Variants in JARID2 observed in about 807,000 individuals in gnomAD.
The protein encoded by JARID2 is protein Jumonji.
In JARID2, 21 loss-of-function variants were observed where a neutral mutation model predicts 125.6. The observed-to-expected ratio is 0.17, with a 90% confidence interval of 0.12 to 0.24. The LOEUF is 0.24. Ranked by LOEUF, JARID2 falls within the 10% of genes least tolerant of loss-of-function variation. The probability of loss-of-function intolerance (pLI) is 1.00; values close to 1 mark genes in which losing one functional copy is unlikely to be tolerated. For synonymous variants in JARID2, 736 were observed against 661.6 expected, an observed-to-expected ratio of 1.11 and a Z score of -1.73; for missense variants, 1,303 against 1,639.6, an observed-to-expected ratio of 0.79 and a Z score of 3.55.
In JARID2 at chr6:15,416,557, G is replaced by A. The variant is rs1010269355; in HGVS notation, c.323+6192G>A. 5.3e-5 allele frequency among the ~76,000 whole-genome samples: 8 copies of A among 152,248 alleles called. No individual in the cohort carries two copies. In the East Asian group the frequency reaches 1.2e-3, roughly 22 times the overall value. On this transcript the variant is annotated intron_variant, in intron 3 of 17. Transcript: ENST00000341776. ...ACGAAAACCAGTCAGGCGTGGTGGC[G>A]CGCGCCTGCAATGGCAGGCACTCGG...
At chr6:15,476,817 AT>A (rs925571113) in intron 5 of JARID2, among the ~76,000 whole-genome samples, 2 of 152,202 alleles carry the variant, frequency 1.3e-5, no homozygotes, top group African/African-American at 4.8e-5. Flanking sequence ...CTTCATGGGT[AT>A]TTATATTACA....
At chr6:15,250,054 A>G (rs948885631) in intron 1 of JARID2, among the ~76,000 whole-genome samples, 4 of 152,220 alleles carry the variant, frequency 2.6e-5, no homozygotes, top group African/African-American at 7.2e-5. Flanking sequence ...AGTTTGAAAT[A>G]GAGAATCTCT....
At chr6:15,318,303 G>A (rs1762244602) in intron 1 of JARID2, among the ~76,000 whole-genome samples, 2 of 152,310 alleles carry the variant, frequency 1.3e-5, no homozygotes, top group East Asian at 3.9e-4. Context: ...TGGAGGACAC[G>A]TGGATCCAGC....
chr6:15,372,319 A>G (rs1764200139), intron 1 of JARID2, among the ~76,000 whole-genome samples: 1 of 152,152 alleles, frequency 6.6e-6, no homozygotes, highest in Non-Finnish European at 1.5e-5. Context: ...CTGAATATCC[A>G]AAATACCCCA....
intron 1 of JARID2, among the ~76,000 whole-genome samples, chr6:15,279,376 T>C (rs890066220): frequency 6.6e-6 from 1 of 152,202 alleles, no homozygotes; most frequent in African/African-American, 2.4e-5. Context: ...TAGTTTGATT[T>C]TGTTGGCGGT....
At chr6:15,333,178 C>T (rs1038061414) in intron 1 of JARID2, among the ~76,000 whole-genome samples, 4 of 152,098 alleles carry the variant, frequency 2.6e-5, no homozygotes, top group South Asian at 2.1e-4. Flanking sequence ...GTGATCCACC[C>T]GCCTCGGCCT....
At chr6:15,330,609 T>C (rs1262978940) in intron 1 of JARID2, among the ~76,000 whole-genome samples, 2 of 152,256 alleles carry the variant, frequency 1.3e-5, no homozygotes, top group African/African-American at 4.8e-5. Flanking sequence ...AAATCAGTTC[T>C]AATATATTAA....
intron 4 of JARID2, among the ~76,000 whole-genome samples, chr6:15,466,295 TAGAA>T (rs1300773362): frequency 9.2e-6 from 1 of 108,262 alleles, no homozygotes; most frequent in Non-Finnish European, 2.1e-5. Flanking sequence ...AAGTTTCTAT[TAGAA>T]AGATCTACAC....
chr6:15,493,333 AG>A (rs1247223355), intron 6 of JARID2, among the ~76,000 whole-genome samples: 2 of 152,142 alleles, frequency 1.3e-5, no homozygotes, highest in Non-Finnish European at 2.9e-5. Context: ...ATTATTTTGA[AG>A]CTCCCCTAAG....
intron 1 of JARID2, among the ~76,000 whole-genome samples, chr6:15,254,480 C>T (rs769639015): frequency 1.4e-4 from 22 of 152,036 alleles, no homozygotes; most frequent in Admixed American, 3.3e-4. Context: ...GTTAATGAGG[C>T]GGTGTGAGTA....
At chr6:15,337,864 C>A (rs1581428717) in intron 1 of JARID2, among the ~76,000 whole-genome samples, 1 of 152,162 alleles carries the variant, frequency 6.6e-6, no homozygotes, top group East Asian at 1.9e-4. Context: ...CTCTAAAATG[C>A]TTTTTCAGTC....
In JARID2 at chr6:15,520,875, G is replaced by GC. The variant is rs1192557902; in HGVS notation, c.*625dup. 3 of 455,380 alleles carry GC rather than the reference G, an allele frequency of 6.6e-6. No homozygotes were observed. The highest frequency in any genetic ancestry group is 1.3e-5 in the Non-Finnish European group (3 of 226,576). 28.2% of individuals were successfully genotyped at this position (455,380 alleles called of 1,614,324 possible). The stretch of plus-strand genomic sequence containing the variant: ...GGAACGAGGAGACGGGAGCGAGTGG[G>GC]CTCTCCACCAGCACATCACTATGCA... On this transcript the variant is annotated 3_prime_UTR_variant, in exon 18 of 18. Transcript: ENST00000341776.
At chr6:15,304,352 C>T (rs1361635440) in intron 1 of JARID2, among the ~76,000 whole-genome samples, 1 of 129,986 alleles carries the variant, frequency 7.7e-6, no homozygotes, top group Admixed American at 9.0e-5. Flanking sequence ...GTTAAACCTG[C>T]ACTTTTTGGT....
At chr6:15,266,305 T>C (rs1760080948) in intron 1 of JARID2, among the ~76,000 whole-genome samples, 1 of 152,214 alleles carries the variant, frequency 6.6e-6, no homozygotes, top group African/African-American at 2.4e-5. Context: ...TTAGTTACAA[T>C]GATCTTCCAA....
intron 3 of JARID2, among the ~76,000 whole-genome samples, chr6:15,444,161 ACT>A (rs545829996): frequency 9.9e-5 from 15 of 151,922 alleles, no homozygotes; most frequent in Non-Finnish European, 1.6e-4. Context: ...GCGTAGGATA[ACT>A]CTGCTTACAG....
intron 5 of JARID2, among the ~76,000 whole-genome samples, chr6:15,475,403 A>G (rs1458094969): frequency 1.3e-5 from 2 of 152,208 alleles, no homozygotes; most frequent in Non-Finnish European, 2.9e-5. Flanking sequence ...GACAGAGGAA[A>G]GAGTCCTGGA....
In JARID2 at chr6:15,293,981, G is replaced by A. The variant is rs185216833; in HGVS notation, c.45+47397G>A. ...CTCTTTTCTGTGTGAGTAAAGCATT[G>A]TTTGATCCAGTGTTTGACATTGCCA... On this transcript the variant is annotated intron_variant, in intron 1 of 17. Transcript: ENST00000341776. 2.6e-3 allele frequency among the ~76,000 whole-genome samples: 391 copies of A among 152,338 alleles called. 1 individual carries two copies. The highest frequency in any genetic ancestry group is 2.3e-3 in the Non-Finnish European group (157 of 68,030).
chr6:15,410,149 G>A, intron 2 of JARID2, 75 bp from the exon 3 acceptor site: 3 of 1,350,274 alleles, frequency 2.2e-6, no homozygotes, highest in Non-Finnish European at 3.1e-6. Context: ...TCAGCGTTGT[G>A]TAGGGTTAAC....
intron 8 of JARID2, among the ~76,000 whole-genome samples, chr6:15,503,848 A>T (rs891588633): frequency 2.0e-5 from 3 of 152,220 alleles, no homozygotes; most frequent in African/African-American, 7.2e-5. Context: ...AAACTGACTC[A>T]GCTGTTTTAT....
Sources: allele counts gnomAD v4.1 joint callset (sites outside exome capture counted in the v4.1 genomes callset), GRCh38; gene constraint gnomAD v4.1.1; transcripts MANE v1.5; gene names NCBI Gene and HGNC (gene_info 2026-07-23, HGNC 2026-07-21).